Variants in CACNA2D1 observed in about 807,000 individuals in gnomAD.
The protein encoded by CACNA2D1 is voltage-dependent calcium channel subunit alpha-2/delta-1.
In CACNA2D1, 53 loss-of-function variants were observed where a neutral mutation model predicts 171.5. The observed-to-expected ratio is 0.31, with a 90% CI of 0.25 to 0.39. The LOEUF is 0.39. CACNA2D1 is among the 10% of genes least tolerant of loss of function. The pLI, the probability that CACNA2D1 is intolerant of heterozygous loss-of-function variation, is 1.00. For synonymous variants in CACNA2D1, 442 were observed against 443.1 expected, an observed-to-expected ratio of 1.00 and a Z score of 0.03; for missense variants, 903 against 1,299.8, an observed-to-expected ratio of 0.69 and a Z score of 4.69.
chr7:82,040,994 A>G (rs1409476166), intron 10 of CACNA2D1, among the ~76,000 whole-genome samples: 1 of 151,626 alleles, frequency 6.6e-6, no homozygotes, highest in Non-Finnish European at 1.5e-5. Context: ...ACAACAAAAC[A>G]AAACAAACAA....
At chr7:82,229,666 C>A (rs1802700618) in intron 3 of CACNA2D1, among the ~76,000 whole-genome samples, 1 of 123,736 alleles carries the variant, frequency 8.1e-6, no homozygotes, top group Non-Finnish European at 1.9e-5. Flanking sequence ...CTTTCCCACA[C>A]TTCTGGTTTA....
chr7:82,230,890 T>A (rs1249198166), intron 3 of CACNA2D1, among the ~76,000 whole-genome samples: 1 of 152,208 alleles, frequency 6.6e-6, no homozygotes, highest in African/African-American at 2.4e-5. Flanking sequence ...GAACTAAGCA[T>A]GACAAACTTC....
Position 82,086,323 on chromosome 7 carries a change from C to G in CACNA2D1, c.527-1423G>C, listed in dbSNP as rs560409250. On this transcript the variant is annotated intron_variant, in intron 6 of 38. Transcript: ENST00000356860. ...CAACAAAAACAAGGTGATTGTGAAA[C>G]TCTTCTGGGACCAGCATGCTAAAGC... Among the ~76,000 whole-genome samples the G allele has an allele frequency of 5.7e-4, 87 of 152,260 alleles. 2 individuals are homozygous for G. In the South Asian group the frequency reaches 0.017, roughly 31 times the overall value.
chr7:82,090,709 T>TAAAC (rs974210467), intron 6 of CACNA2D1, among the ~76,000 whole-genome samples: 1 of 152,124 alleles, frequency 6.6e-6, no homozygotes, highest in Non-Finnish European at 1.5e-5. Context: ...TACTATTCCT[T>TAAAC]AAACAAGCAA....
At chr7:82,258,595 T>C (rs1407930790) in intron 3 of CACNA2D1, among the ~76,000 whole-genome samples, 1 of 152,146 alleles carries the variant, frequency 6.6e-6, no homozygotes, top group East Asian at 1.9e-4. Context: ...AGCATCACTC[T>C]AAACAGTTGT....
intron 2 of CACNA2D1, 113 bp downstream of exon 2, chr7:82,349,455 C>T (rs1298528607): frequency 6.8e-6 from 6 of 882,108 alleles, no homozygotes; most frequent in Non-Finnish European, 1.2e-5. Context: ...ACCACCAGAT[C>T]CACATGAGAA....
intron 5 of CACNA2D1, among the ~76,000 whole-genome samples, chr7:82,126,097 T>G (rs903970401): frequency 6.6e-6 from 1 of 152,224 alleles, no homozygotes. Flanking sequence ...TTATAATAAC[T>G]GAGGTTGCTA....
At chr7:82,392,441 C>T (rs938799532) in intron 1 of CACNA2D1, among the ~76,000 whole-genome samples, 9 of 152,266 alleles carry the variant, frequency 5.9e-5, no homozygotes, top group East Asian at 1.9e-4. Context: ...TTTTCTCAGA[C>T]GCGGGACAAG....
In CACNA2D1 at chr7:82,140,740, G is replaced by T. The variant is rs1450011327; in HGVS notation, c.355-4064C>A. On this transcript the variant is annotated intron_variant, in intron 4 of 38. Transcript: ENST00000356860. ...GGAGGCCGAGGCGGGTGGATCACAA[G>T]GTCTGGAGATCGAGACCATCCTGGC... Among the ~76,000 whole-genome samples, 3 of 151,944 alleles carry T rather than the reference G, an allele frequency of 2.0e-5. No individual in the cohort carries two copies. The East Asian group carries it at 5.8e-4, about 29-fold the overall frequency.
At chr7:82,276,521 T>C (rs1328531015) in intron 3 of CACNA2D1, among the ~76,000 whole-genome samples, 1 of 152,196 alleles carries the variant, frequency 6.6e-6, no homozygotes, top group Non-Finnish European at 1.5e-5. Flanking sequence ...TATGTTTCTG[T>C]TCAGGGATGG....
At chr7:82,166,429 T>A (rs1301519689) in intron 4 of CACNA2D1, among the ~76,000 whole-genome samples, 1 of 152,148 alleles carries the variant, frequency 6.6e-6, no homozygotes, top group East Asian at 1.9e-4. Flanking sequence ...TACATAAAGA[T>A]CCTACTTATT....
chr7:82,303,150 T>C (rs142130414), intron 3 of CACNA2D1, among the ~76,000 whole-genome samples: 3,392 of 152,156 alleles, frequency 0.022, 137 homozygotes, highest in East Asian at 0.16. Context: ...CCCGCCACCA[T>C]GCCCAGCTAA....
intron 1 of CACNA2D1, among the ~76,000 whole-genome samples, chr7:82,394,585 T>C (rs541450722): frequency 2.4e-4 from 36 of 152,184 alleles, no homozygotes; most frequent in African/African-American, 8.7e-4. Flanking sequence ...CACAGAAAAA[T>C]GAATCATTCC....
At chr7:82,268,473 TG>T (rs1808205084) in intron 3 of CACNA2D1, among the ~76,000 whole-genome samples, 1 of 152,178 alleles carries the variant, frequency 6.6e-6, no homozygotes, top group Admixed American at 6.6e-5. Context: ...AAAAATTTAC[TG>T]GGGGCAACCA....
At chr7:82,165,677 G>C (rs1364353560) in intron 4 of CACNA2D1, among the ~76,000 whole-genome samples, 1 of 151,934 alleles carries the variant, frequency 6.6e-6, no homozygotes, top group African/African-American at 2.4e-5. Flanking sequence ...TGGAGTAAAT[G>C]AGCTTTGCAT....
intron 13 of CACNA2D1, 110 bp downstream of exon 13, chr7:82,014,291 A>C: frequency 1.4e-6 from 1 of 689,668 alleles, no homozygotes; most frequent in Non-Finnish European, 2.6e-6. Flanking sequence ...CTCTTGTCTG[A>C]TTCCTATAAA....
At chr7:81,959,133 A>G in intron 38 of CACNA2D1, 142 bp downstream of exon 38, 2 of 673,770 alleles carry the variant, frequency 3.0e-6, no homozygotes, top group South Asian at 1.6e-5. Context: ...AAAAAAATCT[A>G]CCAGCAAGTA....
intron 3 of CACNA2D1, among the ~76,000 whole-genome samples, chr7:82,222,898 C>CTTTTTTTTT (rs796527774): frequency 2.4e-5 from 3 of 124,540 alleles, no homozygotes; most frequent in Non-Finnish European, 3.6e-5. Context: ...TTCTTTCTTT[C>CTTTTTTTTT]TTTTTTTTTT....
At chr7:82,215,572 T>C (rs890077376) in intron 3 of CACNA2D1, among the ~76,000 whole-genome samples, 14 of 152,152 alleles carry the variant, frequency 9.2e-5, no homozygotes, top group Admixed American at 3.3e-4. Context: ...ATAATATAAT[T>C]AAGCTCTAAT....
Sources: gnomAD v4.1 joint callset for allele counts (sites outside exome capture counted in the v4.1 genomes callset) on GRCh38, gnomAD v4.1.1 for gene constraint, MANE v1.5 for transcripts, NCBI Gene and HGNC (gene_info 2026-07-23, HGNC 2026-07-21) for gene names.